The following AATK variants were observed in gnomAD, a reference collection of about 807,000 sequenced individuals.
AATK encodes the protein lemur tail kinase 1.
Under a neutral mutation model 114.3 loss-of-function variants are expected in AATK, and 91 were observed. That is an observed-to-expected ratio of 0.80 (90% CI 0.67 to 0.95). The LOEUF (loss-of-function observed/expected upper bound fraction) is 0.95. Among genes scored for constraint, AATK ranks in the 40% least tolerant of loss-of-function variants. The pLI is 0.00. For synonymous variants in AATK, 1,075 were observed against 916.5 expected, an observed-to-expected ratio of 1.17 and a Z score of -3.12; for missense variants, 2,176 against 1,965.2, an observed-to-expected ratio of 1.11 and a Z score of -2.03.
intron 2 of AATK, among the ~76,000 whole-genome samples, chr17:81,133,612 G>A (rs2060968504): frequency 6.6e-6 from 1 of 152,218 alleles, no homozygotes; most frequent in African/African-American, 2.4e-5. Context: ...AGCAGGAATG[G>A]GACCCATGGA....
chr17:81,144,837 T>C (rs868312162), intron 1 of AATK, among the ~76,000 whole-genome samples: 9 of 152,198 alleles, frequency 5.9e-5, no homozygotes, highest in Admixed American at 2.0e-4. Context: ...AAATCTGCCC[T>C]TCCAGCGTCA....
chr17:81,128,646 T>C, intron 3 of AATK, 97 bp from the exon 4 acceptor site: 1 of 1,528,270 alleles, frequency 6.5e-7, no homozygotes, highest in African/African-American at 1.4e-5. Context: ...TGGCCTTTTC[T>C]GGGAAACTGT....
At chr17:81,136,945 G>A (rs2061019533) in intron 1 of AATK, among the ~76,000 whole-genome samples, 1 of 152,150 alleles carries the variant, frequency 6.6e-6, no homozygotes, top group African/African-American at 2.4e-5. Context: ...AAGCTCCAGA[G>A]ACCCTCCCTC....
rs755368457 is a variant in AATK, at chr17:81,120,231, G to C, written c.3705C>G (p.Phe1235Leu). ...LERKKKAVSF[F>L]DDVTVYLFDQ... ...CAAAGAGGTAGACGGTGACGTCGTC[G>C]AAGAAGGACACGGCCTTCTTCTTGC... Residue 1235 changes from phenylalanine (F) to leucine (L), a missense_variant, in exon 11 of 14, where the codon TTC (phenylalanine) becomes TTG (leucine). This residue lies in a region of AATK where 1,701 missense variants were observed against 1,394.7 expected (regional missense o/e 1.22). Coordinates refer to ENST00000326724, the MANE Select transcript of AATK (RefSeq NM_001080395.3). 1.9e-6 allele frequency: 3 copies of C among 1,588,474 alleles called. No individual in the cohort carries two copies. Among genetic ancestry groups the C allele is most frequent in the African/African-American group, 2.7e-5 (2 of 74,388 alleles).
intron 1 of AATK, among the ~76,000 whole-genome samples, chr17:81,163,428 T>C (rs761619301): frequency 7.9e-5 from 12 of 152,168 alleles, no homozygotes; most frequent in Non-Finnish European, 1.5e-4. Context: ...CACCCTGCTT[T>C]TCCTGGCCGC....
intron 1 of AATK, among the ~76,000 whole-genome samples, chr17:81,154,855 C>T (rs2061342401): frequency 9.1e-6 from 1 of 109,536 alleles, no homozygotes; most frequent in Non-Finnish European, 1.8e-5. Context: ...GTCTCAAACT[C>T]CTGACCTCAG....
chr17:81,118,730 C>G (rs1166739622), intron 13 of AATK, among the ~76,000 whole-genome samples: 1 of 152,260 alleles, frequency 6.6e-6, no homozygotes, highest in Non-Finnish European at 1.5e-5. Flanking sequence ...TCCTGGTGAC[C>G]TGCCTGCTTG....
Position 81,122,458 on chromosome 17 carries a change from G to A in AATK, c.1478C>T (p.Thr493Met), listed in dbSNP as rs1228440672. The change falls in exon 11 of 14, where the codon ACG becomes ATG. Residue 493 changes from threonine to methionine, a missense_variant. Around this residue, in one of 4 missense-constraint regions of AATK, gnomAD observed 1,701 missense variants for 1,394.7 expected, o/e 1.22. Coordinates refer to ENST00000326724, the MANE Select transcript of AATK (RefSeq NM_001080395.3). ...GCGTGCGGTGCGGCCAGGGCTCAGC[G>A]TGGCCGGGAAGGCCTCCGCGCCGCG... is the stretch of plus-strand genomic sequence containing the variant. The part of the protein sequence containing the change: ...AGRGAEAFPA[T>M]LSPGRTARLQ... 2.8e-6 allele frequency: 4 copies of A among 1,452,748 alleles called. No individual in the cohort carries two copies. Among genetic ancestry groups the A allele is most frequent in the East Asian group, 3.1e-5 (1 of 32,274 alleles). 90.0% of individuals were successfully genotyped at this position (1,452,748 alleles called of 1,614,324 possible). A position where few individuals can be genotyped will look rare whatever the true frequency, so the allele number is the denominator to read the frequency against.
At chr17:81,147,238 G>A (rs1250586847) in intron 1 of AATK, among the ~76,000 whole-genome samples, 1 of 151,710 alleles carries the variant, frequency 6.6e-6, no homozygotes, top group Non-Finnish European at 1.5e-5. Context: ...GCAGGTACCT[G>A]TAGTCCCAGC....
rs1019174237 is a variant in AATK at position 81,118,158 on chromosome 17, C to G, written c.*244G>C. 1 of 547,258 alleles carries G rather than the reference C, an allele frequency of 1.8e-6. No individual in the cohort carries two copies. The highest frequency in any genetic ancestry group is 1.9e-5 in the African/African-American group (1 of 52,746). 33.9% of individuals were successfully genotyped at this position (547,258 alleles called of 1,614,324 possible). A position where few individuals can be genotyped will look rare whatever the true frequency, so the allele number is the denominator to read the frequency against. ...CACCCACTGTGGCTCCAGGCGCCCC[C>G]AGGGGCTAGCAGCAAGCCTAAAAGC... On this transcript the variant is annotated 3_prime_UTR_variant, in exon 14 of 14. Transcript: ENST00000326724.
intron 1 of AATK, among the ~76,000 whole-genome samples, chr17:81,138,233 G>A (rs138829398): frequency 3.2e-5 from 4 of 126,866 alleles, no homozygotes; most frequent in Admixed American, 7.8e-5. Flanking sequence ...CCACCCACAC[G>A]CACATACCCA....
At chr17:81,143,303 C>G (rs2061165323) in intron 1 of AATK, among the ~76,000 whole-genome samples, 1 of 152,206 alleles carries the variant, frequency 6.6e-6, no homozygotes, top group East Asian at 1.9e-4. Context: ...GACACGTCAC[C>G]TGACCTGGCC....
intron 1 of AATK, among the ~76,000 whole-genome samples, chr17:81,138,852 A>T (rs2061076399): frequency 6.6e-6 from 1 of 150,976 alleles, no homozygotes; most frequent in Non-Finnish European, 1.5e-5. Flanking sequence ...ACGCGTGCAG[A>T]TAACACGCAC....
At chr17:81,160,654 C>A (rs1305983757) in intron 1 of AATK, among the ~76,000 whole-genome samples, 1 of 152,038 alleles carries the variant, frequency 6.6e-6, no homozygotes, top group Non-Finnish European at 1.5e-5. Context: ...GGATCTGTGC[C>A]ACCAGGGACA....
intron 1 of AATK, among the ~76,000 whole-genome samples, chr17:81,161,039 T>G (rs2061424583): frequency 6.6e-6 from 1 of 152,078 alleles, no homozygotes; most frequent in Admixed American, 6.5e-5. Context: ...GGCCTCATTT[T>G]CTTCCAAGGA....
rs1029929010 is a variant in AATK at position 81,126,673 on chromosome 17, G to A, written c.622-113C>T. ...CCCTACCCACAGCTGAGGGACAGCA[G>A]CTGCCCAGAGCAGCCTCGTGCCCTG... On this transcript the variant is annotated intron_variant, in intron 6 of 13. Coordinates refer to ENST00000326724, the MANE Select transcript of AATK (RefSeq NM_001080395.3). This position sits in a 1 kb window ranked among gnomAD's most constrained non-coding sequence, Gnocchi z 5.1. 3.2e-5 allele frequency: 46 copies of A among 1,452,970 alleles called. No individual in the cohort carries two copies. Among genetic ancestry groups the A allele is most frequent in the Non-Finnish European group, 4.1e-5 (45 of 1,100,378 alleles). The allele number at this position is 1,452,970 out of a possible 1,614,324, so 90.0% of individuals were successfully genotyped here.
At chr17:81,151,679 A>T (rs1036238672) in intron 1 of AATK, among the ~76,000 whole-genome samples, 2 of 152,176 alleles carry the variant, frequency 1.3e-5, no homozygotes, top group Non-Finnish European at 2.9e-5. Context: ...CACCGTCTCA[A>T]CACCATCATC....
Position 81,120,550 on chromosome 17 carries a change from G to A in AATK, c.3386C>T (p.Pro1129Leu), listed in dbSNP as rs2060686943. The change falls in exon 11 of 14, where the codon CCA becomes CTA. Residue 1129 changes from proline to leucine, a missense_variant. By Grantham distance (98) the Pro-to-Leu change is moderately conservative. This residue lies in a region of AATK where 1,701 missense variants were observed against 1,394.7 expected (regional missense o/e 1.22). Transcript: ENST00000326724. ...GCCTGGGCCCCCCATCCGCTTTTGTGGGGCCGGCCCTGACAACAGTCCTGG... is the reference window on the plus strand; with the variant it reads ...GCCTGGGCCCCCCATCCGCTTTTGTAGGGCCGGCCCTGACAACAGTCCTGG... Reference protein sequence around the residue: ...GPPGLLSGPAPQKRMGGPGTP... With the variant: ...GPPGLLSGPALQKRMGGPGTP... The A allele has an allele frequency of 1.3e-6, 2 of 1,495,390 alleles. No individual in the cohort carries two copies. Among genetic ancestry groups the A allele is most frequent in the Admixed American group, 2.4e-5 (1 of 41,088 alleles). 92.6% of individuals were successfully genotyped at this position (1,495,390 alleles called of 1,614,324 possible).
At chr17:81,124,687 C>T (rs765961095) in intron 9 of AATK, 40 bp downstream of exon 9, 23 of 1,600,312 alleles carry the variant, frequency 1.4e-5, no homozygotes, top group East Asian at 1.1e-4. Context: ...AGGTGGCACT[C>T]GGCCTCGGCC....
Sources: gnomAD v4.1 joint callset for allele counts (sites outside exome capture counted in the v4.1 genomes callset) on GRCh38, gnomAD v4.1.1 for gene constraint, gnomAD v4.1.1 regional missense constraint, Gnocchi (gnomAD v3.1) non-coding constraint, MANE v1.5 for transcripts, NCBI Gene and HGNC (gene_info 2026-07-23, HGNC 2026-07-21) for gene names.